DCAF12: variants seen among roughly 807,000 people sequenced by gnomAD.
DCAF12 encodes DDB1 and CUL4 associated factor 12.
Under a neutral mutation model 52.8 loss-of-function variants are expected in DCAF12, and 28 were observed. That is an observed-to-expected ratio of 0.53 (90% CI 0.39 to 0.73). The LOEUF is 0.73. Among genes scored for constraint, DCAF12 ranks in the 30% least tolerant of loss-of-function variants. The probability of loss-of-function intolerance (pLI) is 0.00; values close to 1 mark genes in which losing one functional copy is unlikely to be tolerated. For missense variants in DCAF12, 425 were observed against 552.2 expected (o/e 0.77, Z 2.31); for synonymous variants, 196 against 215.5 (o/e 0.91, Z 0.79).
At chr9:34,123,817 C>G (rs1253252371) in intron 2 of DCAF12, among the ~76,000 whole-genome samples, 1 of 151,890 alleles carries the variant, frequency 6.6e-6, no homozygotes, top group South Asian at 2.1e-4. Context: ...CTCCAAGTGA[C>G]AAGGATGACA....
At chr9:34,118,005 C>A (rs1308965177) in intron 2 of DCAF12, among the ~76,000 whole-genome samples, 3 of 152,200 alleles carry the variant, frequency 2.0e-5, no homozygotes, top group Non-Finnish European at 4.4e-5. Context: ...ATCCCATCAC[C>A]TATTTCCAAG....
At chr9:34,100,361 G>T (rs1828808669) in intron 4 of DCAF12, among the ~76,000 whole-genome samples, 1 of 151,536 alleles carries the variant, frequency 6.6e-6, no homozygotes, top group South Asian at 2.1e-4. Context: ...ACCACGCCTG[G>T]CTAATTTTTT....
chr9:34,126,438 C>G lies in DCAF12; in HGVS notation c.-7G>C, dbSNP rs746464917. 1 of 1,604,192 alleles carries G rather than the reference C, an allele frequency of 6.2e-7. No individual in the cohort carries two copies. Among genetic ancestry groups the G allele is most frequent in the African/African-American group, 1.3e-5 (1 of 75,056 alleles). ...TAACTACTTTCCGGGCCATAGTGGGCAGCGCCGCCGCGGCCCCGCAGCCAC... is the reference window on the plus strand; with the variant it reads ...TAACTACTTTCCGGGCCATAGTGGGGAGCGCCGCCGCGGCCCCGCAGCCAC... On this transcript the variant is annotated 5_prime_UTR_variant, in exon 1 of 9. Coordinates refer to ENST00000361264, the MANE Select transcript of DCAF12 (RefSeq NM_015397.4).
rs566122374 is a variant in DCAF12, at chr9:34,099,691, T to A, written c.602-1174A>T. Among the ~76,000 whole-genome samples the A allele has an allele frequency of 2.6e-5, 4 of 152,016 alleles. No homozygotes were observed. In the South Asian group the frequency reaches 8.3e-4, roughly 32 times the overall value. On this transcript the variant is annotated intron_variant, in intron 4 of 8. Coordinates refer to ENST00000361264, the MANE Select transcript of DCAF12 (RefSeq NM_015397.4). ...TCACTGCAACCACCACCTCCCGGGTTCAAGCGATTCTCCTGCCTCAGCCTC... is the reference window on the plus strand; with the variant it reads ...TCACTGCAACCACCACCTCCCGGGTACAAGCGATTCTCCTGCCTCAGCCTC...
intron 6 of DCAF12, among the ~76,000 whole-genome samples, chr9:34,095,240 A>G (rs1828717020): frequency 6.6e-6 from 1 of 150,846 alleles, no homozygotes; most frequent in South Asian, 2.1e-4. Context: ...ACGCCCAGCT[A>G]ATTTTTGTAT....
At position 34,099,523 on chromosome 9, in the gene DCAF12, C is replaced by T. The variant is rs142253533; in HGVS notation, c.602-1006G>A. Among the ~76,000 whole-genome samples, 41 of 152,134 alleles carry T rather than the reference C, an allele frequency of 2.7e-4. No homozygotes were observed. In the East Asian group the frequency reaches 6.0e-3, roughly 22 times the overall value. ...CTGGGATTACAGGCATGAGCCACCGCGCCTTACTCGAAATTCTTTAACGAG... is the reference window on the plus strand; with the variant it reads ...CTGGGATTACAGGCATGAGCCACCGTGCCTTACTCGAAATTCTTTAACGAG... On this transcript the variant is annotated intron_variant, in intron 4 of 8. Coordinates refer to ENST00000361264, the MANE Select transcript of DCAF12 (RefSeq NM_015397.4).
intron 2 of DCAF12, among the ~76,000 whole-genome samples, chr9:34,120,500 G>A (rs941062780): frequency 2.6e-5 from 4 of 151,386 alleles, no homozygotes; most frequent in Non-Finnish European, 5.9e-5. Flanking sequence ...GTGAAACCCC[G>A]TCTCTACTAA....
At chr9:34,090,920 A>G (rs1012229258) in intron 7 of DCAF12, among the ~76,000 whole-genome samples, 1 of 151,886 alleles carries the variant, frequency 6.6e-6, no homozygotes, top group African/African-American at 2.4e-5. Context: ...AGGCTCCCAA[A>G]GTGCTGGGAT....
chr9:34,119,513 A>C (rs1829139010), intron 2 of DCAF12, among the ~76,000 whole-genome samples: 1 of 152,212 alleles, frequency 6.6e-6, no homozygotes, highest in African/African-American at 2.4e-5. Context: ...TAATGTCTGC[A>C]TAATACCATC....
chr9:34,119,548 T>A (rs1406169453), intron 2 of DCAF12, among the ~76,000 whole-genome samples: 1 of 152,198 alleles, frequency 6.6e-6, no homozygotes. Flanking sequence ...TTTACTTAAG[T>A]ATTCGATTGT....
intron 6 of DCAF12, chr9:34,095,918 G>T (rs1044185278): frequency 6.6e-6 from 1 of 152,062 alleles, no homozygotes; most frequent in African/African-American, 2.4e-5. Context: ...CTAGTCAAAG[G>T]AGCCTCTCAG....
Position 34,088,234 on chromosome 9 carries a change from T to G in DCAF12, c.*116A>C. 1 of 1,206,732 alleles carries G rather than the reference T, an allele frequency of 8.3e-7. No homozygotes were observed. The highest frequency in any genetic ancestry group is 2.6e-5 in the East Asian group (1 of 38,054). 74.8% of individuals were successfully genotyped at this position (1,206,732 alleles called of 1,614,324 possible). On this transcript the variant is annotated 3_prime_UTR_variant, in exon 9 of 9. Transcript: ENST00000361264. ...TTAAGTGCCTAAACTATAGGCAAAC[T>G]TTGGTGTTCCCACTAAAACACAAGA...
chr9:34,094,593 C>T (rs1471941518), intron 6 of DCAF12, among the ~76,000 whole-genome samples: 4 of 148,534 alleles, frequency 2.7e-5, no homozygotes, highest in Admixed American at 6.7e-5. Flanking sequence ...TACAGTGGCG[C>T]GATCTCAGCT....
intron 5 of DCAF12, among the ~76,000 whole-genome samples, chr9:34,097,423 T>A (rs956241129): frequency 6.6e-6 from 1 of 151,804 alleles, no homozygotes; most frequent in Non-Finnish European, 1.5e-5. Context: ...CCTGGCTAAT[T>A]TTTTTGTATT....
chr9:34,116,412 T>C (rs1190986284), intron 2 of DCAF12, among the ~76,000 whole-genome samples: 1 of 152,072 alleles, frequency 6.6e-6, no homozygotes, highest in African/African-American at 2.4e-5. Context: ...GGCTCACACC[T>C]GTAATCCCAG....
intron 2 of DCAF12, among the ~76,000 whole-genome samples, chr9:34,117,421 A>T (rs1829105301): frequency 6.6e-6 from 1 of 151,798 alleles, no homozygotes; most frequent in African/African-American, 2.4e-5. Context: ...AAGTGCTGGC[A>T]TTACAGGTGT....
chr9:34,101,820 G>A (rs1443176057), intron 4 of DCAF12, among the ~76,000 whole-genome samples: 1 of 151,844 alleles, frequency 6.6e-6, no homozygotes, highest in Non-Finnish European at 1.5e-5. Context: ...TTTGAGACCA[G>A]CCTGAGCAAC....
At chr9:34,091,880 T>C (rs1386778045) in intron 7 of DCAF12, among the ~76,000 whole-genome samples, 1 of 152,116 alleles carries the variant, frequency 6.6e-6, no homozygotes, top group Non-Finnish European at 1.5e-5. Context: ...CCCTAGCTGT[T>C]CCCCCATCAA....
chr9:34,125,374 A>G (rs1272977447), intron 1 of DCAF12, 97 bp from the exon 2 acceptor site: 2 of 1,369,906 alleles, frequency 1.5e-6, no homozygotes, highest in Non-Finnish European at 2.0e-6. Context: ...CTCATACTGC[A>G]GAATTTACAA....
Sources: gnomAD v4.1 joint callset for allele counts (sites outside exome capture counted in the v4.1 genomes callset) on GRCh38, gnomAD v4.1.1 for gene constraint, MANE v1.5 for transcripts, NCBI Gene and HGNC (gene_info 2026-07-23, HGNC 2026-07-21) for gene names.